Variants in SYBU observed in about 807,000 individuals in gnomAD.
SYBU encodes syntabulin, also known as GOLSYN A protein.
SYBU carries 21 observed loss-of-function variants against 35.9 expected under a neutral mutation model. The observed-to-expected ratio is 0.58, with a 90% confidence interval of 0.41 to 0.84. The LOEUF is 0.84. Ranked by LOEUF, SYBU falls within the 40% of genes least tolerant of loss-of-function variation. The pLI, the probability that SYBU is intolerant of heterozygous loss-of-function variation, is 0.00. For missense variants in SYBU, 768 were observed against 848.2 expected (o/e 0.91, Z 1.17); for synonymous variants, 319 against 324.3 (o/e 0.98, Z 0.18).
chr8:109,615,570 T>C (rs527834960), intron 3 of SYBU, among the ~76,000 whole-genome samples: 8 of 152,118 alleles, frequency 5.3e-5, no homozygotes, highest in Non-Finnish European at 1.0e-4. Flanking sequence ...GTAGCAACGT[T>C]TCCAGTGATG....
chr8:109,579,951 G>C lies in SYBU; in HGVS notation c.582C>G (p.Ser194Arg). 1.2e-6 allele frequency: 2 copies of C among 1,613,758 alleles called. No individual in the cohort carries two copies. Among genetic ancestry groups the C allele is most frequent in the East Asian group, 4.5e-5 (2 of 44,856 alleles). The change falls in exon 5 of 7, where the codon AGC (serine) becomes AGG (arginine). Residue 194 changes from serine to arginine, a missense_variant. Physicochemically the swap from Ser to Arg is moderately radical, Grantham distance 110 (BLOSUM62 -1). Transcript: ENST00000276646. ...SNGASSHKPG[S>R]SPSSPREKDL... ...CCTTTTCCCGCGGGGATGATGGGCT[G>C]CTGCCAGGCTTGTGTGACGAAGCTC...
intron 2 of SYBU, among the ~76,000 whole-genome samples, chr8:109,637,581 C>CT (rs936076010): frequency 1.2e-4 from 18 of 151,318 alleles, no homozygotes; most frequent in African/African-American, 3.2e-4. Flanking sequence ...TTGATAGGGT[C>CT]TTTTTTTTTA....
chr8:109,691,587 C>A lies in SYBU; in HGVS notation c.-312G>T. 1 of 435,280 alleles carries A rather than the reference C, an allele frequency of 2.3e-6. No homozygotes were observed. Among genetic ancestry groups the A allele is most frequent in the Non-Finnish European group, 4.0e-6 (1 of 248,874 alleles). 27.0% of individuals were successfully genotyped at this position (435,280 alleles called of 1,614,324 possible). On this transcript the variant is annotated 5_prime_UTR_variant, in exon 1 of 8. Coordinates refer to the SYBU transcript ENST00000422135. The surrounding 1 kb of genome is among the most constrained non-coding windows in gnomAD (Gnocchi z 4.7). ...GCCTCTGCAGCCAGCCGGGCGGCTG[C>A]TGGGGCTGAGGACAAAATGGAGAGA...
At chr8:109,660,981 T>C (rs1816539836) in intron 1 of SYBU, among the ~76,000 whole-genome samples, 1 of 152,120 alleles carries the variant, frequency 6.6e-6, no homozygotes, top group Non-Finnish European at 1.5e-5. Context: ...AATTATAAGA[T>C]AAGCAGGAGA....
chr8:109,579,214 G>A (rs532697784), intron 5 of SYBU, among the ~76,000 whole-genome samples: 3 of 152,096 alleles, frequency 2.0e-5, no homozygotes, highest in African/African-American at 4.8e-5. Flanking sequence ...TCCTCCTGTC[G>A]TGGCCTCTTT....
intron 3 of SYBU, among the ~76,000 whole-genome samples, chr8:109,616,246 G>A (rs928937563): frequency 1.4e-4 from 21 of 151,564 alleles, no homozygotes; most frequent in African/African-American, 4.4e-4. Flanking sequence ...TCCTGACCTC[G>A]TGATCCACCC....
chr8:109,686,849 TCTTA>T (rs1206453497), intron 1 of SYBU, among the ~76,000 whole-genome samples: 4 of 152,210 alleles, frequency 2.6e-5, no homozygotes, highest in Non-Finnish European at 4.4e-5. Flanking sequence ...ATAGATAATT[TCTTA>T]CTTCTTTCTC....
Position 109,574,203 on chromosome 8 carries a change from T to A in SYBU, c.*703A>T, listed in dbSNP as rs940186093. The A allele has an allele frequency of 6.6e-6, 1 of 152,544 alleles. No individual in the cohort carries two copies. Among genetic ancestry groups the A allele is most frequent in the African/African-American group, 2.4e-5 (1 of 41,448 alleles). 9.4% of individuals were successfully genotyped at this position (152,544 alleles called of 1,614,324 possible). Reference sequence around the variant, plus strand: ...ATTATTTTATGGGAGGATAAAACATTTATTTAAATGGAAACACTAATCTTT... The same window carrying A: ...ATTATTTTATGGGAGGATAAAACATATATTTAAATGGAAACACTAATCTTT... On this transcript the variant is annotated 3_prime_UTR_variant, in exon 7 of 7. Coordinates refer to ENST00000276646, the MANE Select transcript of SYBU (RefSeq NM_001099754.2).
At chr8:109,649,373 T>C (rs901184592), upstream of SYBU, among the ~76,000 whole-genome samples, 4 of 152,170 alleles carry the variant, frequency 2.6e-5, no homozygotes, top group African/African-American at 9.6e-5. Flanking sequence ...AAAACTGAAA[T>C]GACTAGAATT....
chr8:109,642,113 A>C (rs1814948496), intron 2 of SYBU, among the ~76,000 whole-genome samples: 1 of 152,258 alleles, frequency 6.6e-6, no homozygotes, highest in African/African-American at 2.4e-5. Context: ...ACCAAGGAAT[A>C]CTATGCAGCC....
At chr8:109,629,899 T>C (rs1813409704) in intron 2 of SYBU, among the ~76,000 whole-genome samples, 1 of 152,222 alleles carries the variant, frequency 6.6e-6, no homozygotes, top group Admixed American at 6.5e-5. Context: ...TGGCCGGTGA[T>C]GATGAGCATT....
chr8:109,607,071 TA>T (rs1235855817), intron 3 of SYBU, among the ~76,000 whole-genome samples: 1 of 152,192 alleles, frequency 6.6e-6, no homozygotes, highest in Non-Finnish European at 1.5e-5. Flanking sequence ...GGAGTTACCA[TA>T]AACATAGTAT....
chr8:109,676,725 T>C (rs1817204790), intron 1 of SYBU, among the ~76,000 whole-genome samples: 2 of 152,158 alleles, frequency 1.3e-5, no homozygotes. Context: ...ATAGAAAAAG[T>C]ATTAGAAATT....
intron 3 of SYBU, among the ~76,000 whole-genome samples, chr8:109,599,407 C>T (rs1391339371): frequency 6.6e-6 from 1 of 152,214 alleles, no homozygotes; most frequent in African/African-American, 2.4e-5. Flanking sequence ...CACCTGGCCT[C>T]TTTGTTAAAA....
chr8:109,663,200 T>C (rs1335855418), intron 1 of SYBU, among the ~76,000 whole-genome samples: 1 of 152,024 alleles, frequency 6.6e-6, no homozygotes, highest in Non-Finnish European at 1.5e-5. Context: ...ACATAAAACA[T>C]AGGCTCTCTC....
chr8:109,603,909 G>A (rs1012028909), intron 3 of SYBU, among the ~76,000 whole-genome samples: 6 of 152,158 alleles, frequency 3.9e-5, no homozygotes, highest in Non-Finnish European at 7.3e-5. Context: ...ATCTTAAAGT[G>A]GAAGGTGAAA....
chr8:109,687,522 C>T (rs149637660), intron 1 of SYBU, among the ~76,000 whole-genome samples: 163 of 152,070 alleles, frequency 1.1e-3, no homozygotes, highest in African/African-American at 3.6e-3. Flanking sequence ...TTTTCAAAAG[C>T]CAGAGAGAAG....
chr8:109,615,679 C>T (rs1295559633), intron 3 of SYBU, among the ~76,000 whole-genome samples: 1 of 152,140 alleles, frequency 6.6e-6, no homozygotes, highest in Admixed American at 6.5e-5. Flanking sequence ...AAAAACTGCT[C>T]AGGTGATATT....
intron 1 of SYBU, among the ~76,000 whole-genome samples, chr8:109,643,919 A>C (rs1231621745): frequency 6.6e-6 from 1 of 152,100 alleles, no homozygotes; most frequent in Non-Finnish European, 1.5e-5. Flanking sequence ...CCTTATGAAA[A>C]TGGATTCCTA....
Sources: gnomAD v4.1 joint callset for allele counts (sites outside exome capture counted in the v4.1 genomes callset) on GRCh38, gnomAD v4.1.1 for gene constraint, Gnocchi (gnomAD v3.1) non-coding constraint, MANE v1.5 for transcripts, NCBI Gene and HGNC (gene_info 2026-07-23, HGNC 2026-07-21) for gene names.